The following ADAMTS3 variants were observed in gnomAD, a reference collection of about 807,000 sequenced individuals.
ADAMTS3 encodes ADAM metallopeptidase with thrombospondin type 1 motif 3, also known as A disintegrin and metalloproteinase with thrombospondin motifs 3.
Under a neutral mutation model 129.0 loss-of-function variants are expected in ADAMTS3, and 73 were observed. The observed-to-expected ratio is 0.57, with a 90% CI of 0.47 to 0.69. The LOEUF is 0.69. Ranked by LOEUF, ADAMTS3 falls within the 30% of genes least tolerant of loss-of-function variation. The pLI is 0.00. For synonymous variants in ADAMTS3, 477 were observed against 510.8 expected (o/e 0.93, Z 0.89); for missense variants, 1,457 against 1,514.5 (o/e 0.96, Z 0.63).
intron 3 of ADAMTS3, among the ~76,000 whole-genome samples, chr4:72,420,265 C>G (rs1407377802): frequency 1.3e-5 from 2 of 152,174 alleles, no homozygotes; most frequent in Non-Finnish European, 2.9e-5. Flanking sequence ...TCTGCTCACT[C>G]TCTTCCTTGC....
At chr4:72,486,512 A>G (rs896195404) in intron 3 of ADAMTS3, among the ~76,000 whole-genome samples, 1 of 152,208 alleles carries the variant, frequency 6.6e-6, no homozygotes, top group Non-Finnish European at 1.5e-5. Flanking sequence ...CTCTGAAGCA[A>G]GAGCCCTCCG....
At chr4:72,448,537 T>C (rs1051978112) in intron 3 of ADAMTS3, among the ~76,000 whole-genome samples, 1 of 151,766 alleles carries the variant, frequency 6.6e-6, no homozygotes, top group Non-Finnish European at 1.5e-5. Context: ...AAAGCTCATA[T>C]ATGAGAGAAA....
At chr4:72,347,861 G>T (rs1008697755) in intron 4 of ADAMTS3, among the ~76,000 whole-genome samples, 1 of 151,808 alleles carries the variant, frequency 6.6e-6, no homozygotes. Flanking sequence ...ATAGAAGAGA[G>T]GTGAGATTCC....
intron 3 of ADAMTS3, among the ~76,000 whole-genome samples, chr4:72,501,793 A>T (rs1720032097): frequency 9.2e-5 from 1 of 10,920 alleles, no homozygotes; most frequent in Non-Finnish European, 1.9e-4. Context: ...TTTAATGCTT[A>T]ATTTCCTGAG....
intron 3 of ADAMTS3, among the ~76,000 whole-genome samples, chr4:72,492,233 TG>T (rs771890915): frequency 7.9e-5 from 12 of 151,668 alleles, no homozygotes; most frequent in Non-Finnish European, 1.8e-4. Context: ...GATTTTTTTC[TG>T]TTTTTTTATT....
intron 3 of ADAMTS3, among the ~76,000 whole-genome samples, chr4:72,500,057 T>C (rs2110022874): frequency 6.6e-6 from 1 of 152,322 alleles, no homozygotes; most frequent in Middle Eastern, 3.4e-3. Flanking sequence ...TCCATGTCTT[T>C]GTTATTGTGA....
Position 72,318,661 on chromosome 4 carries a change from G to C in ADAMTS3, c.1396C>G (p.Pro466Ala). ...ATTCCAGGAAGTTCTGGGAGTTTAGGCCAATCATGATCAAAAGGGTCATCA... is the reference window on the plus strand; with the variant it reads ...ATTCCAGGAAGTTCTGGGAGTTTAGCCCAATCATGATCAAAAGGGTCATCA... The part of the protein sequence containing the change: ...LLDDPFDHDW[P>A]KLPELPGINY... The change falls in exon 10 of 22, where the codon CCT becomes GCT. Residue 466 changes from proline (P) to alanine (A), a missense_variant. Pro to Ala is a conservative substitution (Grantham distance 27). Coordinates refer to ENST00000286657, the MANE Select transcript of ADAMTS3 (RefSeq NM_014243.3). The C allele has an allele frequency of 6.2e-7, 1 of 1,613,654 alleles. No homozygotes were observed.
At chr4:72,414,664 C>A in intron 4 of ADAMTS3, 151 bp downstream of exon 4, 1 of 542,042 alleles carries the variant, frequency 1.8e-6, no homozygotes. Flanking sequence ...AAAAGCAAGC[C>A]ACATTTCATG....
At chr4:72,377,990 T>C (rs1721176874) in intron 4 of ADAMTS3, among the ~76,000 whole-genome samples, 1 of 152,110 alleles carries the variant, frequency 6.6e-6, no homozygotes, top group Non-Finnish European at 1.5e-5. Flanking sequence ...GGAGTAATGA[T>C]TAGTTAAAGA....
At chr4:72,433,618 A>T (rs958107929) in intron 3 of ADAMTS3, among the ~76,000 whole-genome samples, 5 of 151,936 alleles carry the variant, frequency 3.3e-5, no homozygotes, top group Non-Finnish European at 7.4e-5. Context: ...AATTTCGCAC[A>T]AACATGGTAC....
intron 4 of ADAMTS3, among the ~76,000 whole-genome samples, chr4:72,365,725 T>C (rs1396555595): frequency 6.6e-6 from 1 of 152,210 alleles, no homozygotes; most frequent in African/African-American, 2.4e-5. Context: ...AAAATATTCA[T>C]ATAAATAAAC....
At chr4:72,462,693 T>C (rs562998148) in intron 3 of ADAMTS3, among the ~76,000 whole-genome samples, 1 of 152,060 alleles carries the variant, frequency 6.6e-6, no homozygotes, top group East Asian at 1.9e-4. Context: ...TTTTAGTTTT[T>C]AATGAAATAG....
intron 3 of ADAMTS3, among the ~76,000 whole-genome samples, chr4:72,477,251 C>A (rs1719263751): frequency 6.6e-6 from 1 of 152,096 alleles, no homozygotes; most frequent in African/African-American, 2.4e-5. Context: ...CTTCTCAGCA[C>A]CACACCACAC....
chr4:72,512,902 T>G (rs1157141555), intron 3 of ADAMTS3, among the ~76,000 whole-genome samples: 1 of 152,162 alleles, frequency 6.6e-6, no homozygotes, highest in East Asian at 1.9e-4. Context: ...TGGGTATTCT[T>G]TTCACGTGTG....
intron 19 of ADAMTS3, among the ~76,000 whole-genome samples, chr4:72,295,091 T>C (rs934137419): frequency 7.0e-4 from 106 of 152,148 alleles, no homozygotes; most frequent in African/African-American, 2.4e-3. Flanking sequence ...GAAGATCAAA[T>C]ACATAAAATC....
Position 72,313,722 on chromosome 4 carries a change from C to T in ADAMTS3, c.1700G>A (p.Cys567Tyr), listed in dbSNP as rs138927279. The T allele has an allele frequency of 2.9e-5, 47 of 1,613,680 alleles. No individual in the cohort carries two copies. The highest frequency in any genetic ancestry group is 4.0e-5 in the Non-Finnish European group (47 of 1,179,868). Residue 567 changes from cysteine (C) to tyrosine (Y), a missense_variant, in exon 12 of 22, where the codon TGT becomes TAT. By Grantham distance (194) the Cys-to-Tyr change is radical. Transcript: ENST00000286657. Reference sequence around the variant, plus strand: ...TGTTCTGAAACGAACACCAGTTCCACATGTCCGAGAACAGGAGCCAAATTT... The same window carrying T: ...TGTTCTGAAACGAACACCAGTTCCATATGTCCGAGAACAGGAGCCAAATTT... The part of the protein sequence containing the change: ...WTKFGSCSRT[C>Y]GTGVRFRTRQ...
At chr4:72,388,358 T>C (rs2109889028) in intron 4 of ADAMTS3, among the ~76,000 whole-genome samples, 1 of 152,310 alleles carries the variant, frequency 6.6e-6, no homozygotes, top group East Asian at 1.9e-4. Context: ...AGTTTAAAAG[T>C]ACCACTGCCT....
chr4:72,297,116 T>C (rs56000814), intron 18 of ADAMTS3, among the ~76,000 whole-genome samples: 29,057 of 151,982 alleles, frequency 0.19, 3,347 homozygotes, highest in East Asian at 0.44. Context: ...CATTCATTCA[T>C]GCATGCATTC....
intron 3 of ADAMTS3, among the ~76,000 whole-genome samples, chr4:72,497,525 T>C (rs1013086980): frequency 6.6e-6 from 1 of 151,444 alleles, no homozygotes; most frequent in Non-Finnish European, 1.5e-5. Flanking sequence ...TGTTAAATAT[T>C]AAAAATATTT....
Sources: gnomAD v4.1 joint callset for allele counts (sites outside exome capture counted in the v4.1 genomes callset) on GRCh38, gnomAD v4.1.1 for gene constraint, MANE v1.5 for transcripts, NCBI Gene and HGNC (gene_info 2026-07-23, HGNC 2026-07-21) for gene names.